Variants in POGLUT2 observed in about 807,000 individuals in gnomAD.
The protein encoded by POGLUT2 is protein O-glucosyltransferase 2, also known as ER protein 58.
In POGLUT2, 47 loss-of-function variants were observed where a neutral mutation model predicts 57.6. The observed-to-expected ratio is 0.82, with a 90% CI of 0.65 to 1.04. The LOEUF is 1.04. POGLUT2 is among the 50% of genes least tolerant of loss of function. POGLUT2 has a pLI of 0.00. For synonymous variants in POGLUT2, 200 were observed against 218.8 expected, an observed-to-expected ratio of 0.91 and a Z score of 0.76; for missense variants, 565 against 614.8, an observed-to-expected ratio of 0.92 and a Z score of 0.86.
At chr13:102,790,791 G>A in intron 6 of POGLUT2, 110 bp downstream of exon 6, 2 of 758,156 alleles carry the variant, frequency 2.6e-6, no homozygotes, top group South Asian at 3.5e-5. Context: ...TCAATTTTGT[G>A]CTAACTTCTC....
intron 7 of POGLUT2, 80 bp downstream of exon 7, chr13:102,788,932 C>A (rs1190101519): frequency 1.7e-6 from 2 of 1,210,030 alleles, no homozygotes; most frequent in Non-Finnish European, 2.4e-6. Context: ...CCTGGATGCT[C>A]TCCAGGTACA....
chr13:102,798,678 A>G lies in POGLUT2; in HGVS notation c.-8T>C, dbSNP rs758412994. On this transcript the variant is annotated 5_prime_UTR_variant, in exon 1 of 10. Transcript: ENST00000376004. ...TAGCAAAGTGCCAAACATTTACAAGACGGACTCTCGAAATGATCCACCGAT... is the reference window on the plus strand; with the variant it reads ...TAGCAAAGTGCCAAACATTTACAAGGCGGACTCTCGAAATGATCCACCGAT... 37 of 1,577,968 alleles carry G rather than the reference A, an allele frequency of 2.3e-5. No homozygotes were observed. The Admixed American group carries it at 6.3e-4, about 27-fold the overall frequency.
At chr13:102,784,908 G>A (rs1877876835) in intron 9 of POGLUT2, among the ~76,000 whole-genome samples, 1 of 152,242 alleles carries the variant, frequency 6.6e-6, no homozygotes, top group Non-Finnish European at 1.5e-5. Flanking sequence ...CTGAGCAGGA[G>A]TGGAGCAAGG....
Position 102,796,866 on chromosome 13 carries a change from T to C in POGLUT2, c.326A>G (p.Asn109Ser), listed in dbSNP as rs1428770895. 2 of 1,610,998 alleles carry C rather than the reference T, an allele frequency of 1.2e-6. No individual in the cohort carries two copies. Among genetic ancestry groups the C allele is most frequent in the Middle Eastern group, 1.7e-4 (1 of 6,052 alleles). Residue 109 changes from asparagine (N) to serine (S), a missense_variant, in exon 2 of 10, where the codon AAT (asparagine) becomes AGT (serine). Transcript: ENST00000376004. ...TTGGAATTTAATTTCCACCTTCAGA[T>C]TTTTGTAGCTTGCATACATTCTGTA... Reference protein sequence around the residue: ...VRYRMYASYKNLKVEIKFQGQ... With the variant: ...VRYRMYASYKSLKVEIKFQGQ...
chr13:102,797,526 G>A (rs145912195), intron 1 of POGLUT2, among the ~76,000 whole-genome samples: 288 of 152,124 alleles, frequency 1.9e-3, no homozygotes, highest in African/African-American at 6.7e-3. Flanking sequence ...CCAGGAGTTC[G>A]AGATCAGCCT....
chr13:102,797,042 G>T (rs1337561900), intron 1 of POGLUT2, 33 bp from the exon 2 acceptor site: 4 of 1,469,074 alleles, frequency 2.7e-6, no homozygotes, highest in Non-Finnish European at 3.8e-6. Context: ...GAGATAAACA[G>T]ATTTTAACGA....
chr13:102,798,829 C>A lies in POGLUT2; in HGVS notation c.-159G>T. 1 of 681,658 alleles carries A rather than the reference C, an allele frequency of 1.5e-6. No homozygotes were observed. The highest frequency in any genetic ancestry group is 2.3e-6 in the Non-Finnish European group (1 of 431,106). The allele number at this position is 681,658 out of a possible 1,614,324, so 42.2% of individuals were successfully genotyped here. Reference sequence around the variant, plus strand: ...GCGTGCAGGGCAGGCGCGCGGGTCTCCGCGACCCCAGGACAATCAAAGCCC... The same window carrying A: ...GCGTGCAGGGCAGGCGCGCGGGTCTACGCGACCCCAGGACAATCAAAGCCC... On this transcript the variant is annotated 5_prime_UTR_variant, in exon 1 of 10. Coordinates refer to ENST00000376004, the MANE Select transcript of POGLUT2 (RefSeq NM_024089.3).
chr13:102,791,697 G>T (rs545048987), intron 4 of POGLUT2, among the ~76,000 whole-genome samples: 4 of 152,266 alleles, frequency 2.6e-5, no homozygotes, highest in African/African-American at 9.6e-5. Context: ...CAAAGAGAAG[G>T]AGAATTATTG....
At chr13:102,784,538 G>C (rs759245669) in intron 9 of POGLUT2, 26 bp from the exon 10 acceptor site, 66 of 1,441,096 alleles carry the variant, frequency 4.6e-5, no homozygotes, top group Non-Finnish European at 6.1e-5. Context: ...AAAATATTTA[G>C]AGCTATCAAG....
chr13:102,790,273 C>G (rs915782521), intron 6 of POGLUT2, among the ~76,000 whole-genome samples: 1 of 152,200 alleles, frequency 6.6e-6, no homozygotes, highest in African/African-American at 2.4e-5. Flanking sequence ...CTTGTCTTCC[C>G]ACATACAGAG....
At chr13:102,787,034 GT>G (rs111745447) in intron 8 of POGLUT2, among the ~76,000 whole-genome samples, 268 of 149,148 alleles carry the variant, frequency 1.8e-3, no homozygotes, top group African/African-American at 5.5e-3. Flanking sequence ...ACCTGATTTT[GT>G]TTTTTTTTTT....
chr13:102,792,028 G>A, intron 4 of POGLUT2: 1 of 1,289,634 alleles, frequency 7.8e-7, no homozygotes, highest in Non-Finnish European at 1.0e-6. Context: ...CCGAAGTCCT[G>A]AAGAACATTC....
At chr13:102,789,849 C>T (rs1361609608) in intron 6 of POGLUT2, among the ~76,000 whole-genome samples, 1 of 152,228 alleles carries the variant, frequency 6.6e-6, no homozygotes, top group Non-Finnish European at 1.5e-5. Context: ...CTGCCTGCCT[C>T]AGCCTCCCAA....
rs562766700 is a variant in POGLUT2 at position 102,784,369 on chromosome 13, T to C, written c.*126A>G. 9.3e-6 allele frequency: 6 copies of C among 645,120 alleles called. No homozygotes were observed. The East Asian group carries it at 1.1e-4, about 12-fold the overall frequency. 40.0% of individuals were successfully genotyped at this position (645,120 alleles called of 1,614,324 possible). ...AGAATACTGCATAAGTAGAAATGTG[T>C]CTTCATACTGCAAACAATCACACAG... is the stretch of plus-strand genomic sequence containing the variant. On this transcript the variant is annotated 3_prime_UTR_variant, in exon 10 of 10. Transcript: ENST00000376004.
chr13:102,791,202 G>A, intron 5 of POGLUT2, 56 bp downstream of exon 5: 1 of 1,603,982 alleles, frequency 6.2e-7, no homozygotes, highest in Non-Finnish European at 8.5e-7. Flanking sequence ...TGTTGCAAAA[G>A]AACTCACCAA....
At chr13:102,793,893 T>C in intron 2 of POGLUT2, 87 bp from the exon 3 acceptor site, 1 of 1,196,166 alleles carries the variant, frequency 8.4e-7, no homozygotes, top group Non-Finnish European at 1.2e-6. Flanking sequence ...TGTGGCTTCA[T>C]GAATTTTGCT....
Position 102,789,188 on chromosome 13 carries a change from C to A in POGLUT2, c.1117G>T (p.Ala373Ser). 1 of 1,614,132 alleles carries A rather than the reference C, an allele frequency of 6.2e-7. No homozygotes were observed. The highest frequency in any genetic ancestry group is 8.5e-7 in the Non-Finnish European group (1 of 1,179,968). Residue 373 changes from alanine (A) to serine (S), a missense_variant, in exon 7 of 10, where the codon GCA (alanine) becomes TCA (serine). Ala to Ser is a moderately conservative substitution (Grantham distance 99, BLOSUM62 1). Coordinates refer to ENST00000376004, the MANE Select transcript of POGLUT2 (RefSeq NM_024089.3). ...AGCAAATATGGCAGGCGATAAGCTG[C>A]TACAGTGCCATCGATATTTATTTGA... Reference protein sequence around the residue: ...KYQINIDGTVAAYRLPYLLVG... With the variant: ...KYQINIDGTVSAYRLPYLLVG...
intron 6 of POGLUT2, 70 bp from the exon 7 acceptor site, chr13:102,789,291 T>C: frequency 7.7e-7 from 1 of 1,293,890 alleles, no homozygotes; most frequent in African/African-American, 1.5e-5. Flanking sequence ...CTCCTTCCCA[T>C]CCCACACATA....
chr13:102,789,551 C>T (rs778043793), intron 6 of POGLUT2, among the ~76,000 whole-genome samples: 1 of 152,200 alleles, frequency 6.6e-6, no homozygotes, highest in Non-Finnish European at 1.5e-5. Context: ...TTATTGATTG[C>T]AAATGTGCCC....
Sources: gnomAD v4.1 joint callset for allele counts (sites outside exome capture counted in the v4.1 genomes callset) on GRCh38, gnomAD v4.1.1 for gene constraint, MANE v1.5 for transcripts, NCBI Gene and HGNC (gene_info 2026-07-23, HGNC 2026-07-21) for gene names.